Variants in THOP1 observed in about 807,000 individuals in gnomAD.
THOP1 encodes thimet oligopeptidase 1.
In THOP1, 49 loss-of-function variants were observed where a neutral mutation model predicts 71.8. That is an observed-to-expected ratio of 0.68 (90% CI 0.54 to 0.87). The LOEUF (loss-of-function observed/expected upper bound fraction) is 0.87, where lower values mean the gene tolerates loss of function less well. Among genes scored for constraint, THOP1 ranks in the 40% least tolerant of loss-of-function variants. THOP1 has a pLI of 0.00. For synonymous variants in THOP1, 426 were observed against 421.5 expected, an observed-to-expected ratio of 1.01 and a Z score of -0.13; for missense variants, 843 against 975.6, an observed-to-expected ratio of 0.86 and a Z score of 1.81.
At chr19:2,807,948 G>A in intron 8 of THOP1, 140 bp downstream of exon 8, 1 of 1,067,338 alleles carries the variant, frequency 9.4e-7, no homozygotes, top group Non-Finnish European at 1.3e-6. Context: ...TAGCACCCGT[G>A]GGCACACCAC....
rs1037079976 is a variant in THOP1 at position 2,801,935 on chromosome 19, C to G, written c.589+2144C>G. Among the ~76,000 whole-genome samples, 10 of 152,140 alleles carry G rather than the reference C, an allele frequency of 6.6e-5. No homozygotes were observed. The highest frequency in any genetic ancestry group is 2.0e-4 in the Admixed American group (3 of 15,284). On this transcript the variant is annotated intron_variant, in intron 5 of 12. Coordinates refer to ENST00000307741, the MANE Select transcript of THOP1 (RefSeq NM_003249.5). This position sits in a 1 kb window ranked among gnomAD's most constrained non-coding sequence, Gnocchi z 5.1. ...ACATGACCCAGCTGCCTCTTGAAGG[C>G]CCCAGTACCTAATCCTGCCATCTCC...
At chr19:2,812,687 A>T (rs958184319) in intron 12 of THOP1, among the ~76,000 whole-genome samples, 1 of 152,168 alleles carries the variant, frequency 6.6e-6, no homozygotes. Context: ...GGTGGCTGGC[A>T]CCGGCGCCTC....
chr19:2,811,101 G>C (rs542664070), intron 11 of THOP1, among the ~76,000 whole-genome samples: 1 of 152,240 alleles, frequency 6.6e-6, no homozygotes. Context: ...AGGAATTTCC[G>C]ATCCTAATGA....
At chr19:2,802,998 C>T (rs748626718) in intron 5 of THOP1, among the ~76,000 whole-genome samples, 2 of 151,320 alleles carry the variant, frequency 1.3e-5, no homozygotes, top group Admixed American at 6.6e-5. Flanking sequence ...CACATGGTAC[C>T]GCAGGCTCGG....
At chr19:2,799,829 C>T (rs753966276) in intron 5 of THOP1, 38 bp downstream of exon 5, 5 of 1,574,820 alleles carry the variant, frequency 3.2e-6, no homozygotes, top group Non-Finnish European at 4.4e-6. Flanking sequence ...GGCCATCGGT[C>T]CTGGGACTCA....
Position 2,796,095 on chromosome 19 carries a change from G to T in THOP1, c.393G>T (p.Lys131Asn). 6.2e-7 allele frequency: 1 copy of T among 1,613,774 alleles called. No individual in the cohort carries two copies. The highest frequency in any genetic ancestry group is 8.5e-7 in the Non-Finnish European group (1 of 1,179,870). The change falls in exon 4 of 13, where the codon AAG becomes AAT. Residue 131 changes from lysine (K) to asparagine (N), a missense_variant. Physicochemically the swap from Lys to Asn is moderately conservative, Grantham distance 94. Coordinates refer to ENST00000307741, the MANE Select transcript of THOP1 (RefSeq NM_003249.5). ...RIVWLQEKVQ[K>N]DSLRPEAARY... ...TTTTATTCCAGGAGAAAGTTCAGAA[G>T]GACTCACTGAGGCCCGAGGCTGCGC...
At chr19:2,793,330 C>T (rs1915928745) in intron 2 of THOP1, among the ~76,000 whole-genome samples, 1 of 152,076 alleles carries the variant, frequency 6.6e-6, no homozygotes, top group Admixed American at 6.5e-5. Flanking sequence ...CTCCCCTGTC[C>T]CCAGCCCTGG....
At position 2,810,313 on chromosome 19, in the gene THOP1, G is replaced by T; in HGVS notation, c.1465G>T (p.Ala489Ser). Residue 489 changes from alanine to serine, a missense_variant, in exon 10 of 13, where the codon GCC (alanine) becomes TCC (serine). Transcript: ENST00000307741. ...MHQLCSQAEF[A>S]MFSGTHVERD... ...TGCCCCATCCCTGCAGGCGGAGTTC[G>T]CCATGTTCAGCGGGACCCACGTGGA... 6.2e-7 allele frequency: 1 copy of T among 1,610,970 alleles called. No individual in the cohort carries two copies. The highest frequency in any genetic ancestry group is 1.7e-5 in the Admixed American group (1 of 59,984).
intron 1 of THOP1, among the ~76,000 whole-genome samples, chr19:2,788,059 A>AC (rs780663555): frequency 6.6e-6 from 1 of 152,208 alleles, no homozygotes; most frequent in Admixed American, 6.5e-5. Flanking sequence ...CCCGGCCCCA[A>AC]GACTTTTTGG....
chr19:2,803,061 G>A, intron 5 of THOP1, among the ~76,000 whole-genome samples: 1 of 152,200 alleles, frequency 6.6e-6, no homozygotes, highest in Non-Finnish European at 1.5e-5. Context: ...CTCGGCCTCT[G>A]AGCCCACTCT....
intron 2 of THOP1, 47 bp from the exon 3 acceptor site, chr19:2,794,717 A>C: frequency 6.3e-7 from 1 of 1,583,094 alleles, no homozygotes; most frequent in African/African-American, 1.3e-5. Flanking sequence ...TGCCAGTTGT[A>C]CTGGGGCCTG....
At chr19:2,812,106 T>A (rs1281239333) in intron 12 of THOP1, 16 of 1,379,198 alleles carry the variant, frequency 1.2e-5, no homozygotes, top group Non-Finnish European at 1.5e-5. Context: ...CCTTCCGGGA[T>A]CTGCGTGATC....
chr19:2,808,550 C>T (rs959856221), intron 9 of THOP1, 106 bp downstream of exon 9: 84 of 1,263,318 alleles, frequency 6.6e-5, no homozygotes, highest in South Asian at 5.1e-4. Context: ...TCTCTGCACC[C>T]GTCCGGTGGC....
chr19:2,790,385 C>A, intron 1 of THOP1, 36 bp from the exon 2 acceptor site: 1 of 1,490,546 alleles, frequency 6.7e-7, no homozygotes, highest in Non-Finnish European at 8.9e-7. Flanking sequence ...GAACCGAAAG[C>A]AGACCCGCCC....
rs1295769970 is a variant in THOP1 at position 2,785,826 on chromosome 19, G to C, written c.16+148G>C. On this transcript the variant is annotated intron_variant, in intron 1 of 12. Transcript: ENST00000307741. ...GGCAGCGGGGGAGGTGGACGACCCT[G>C]CTCTCTCGTTTGCCGAATGAATGAA... The C allele has an allele frequency of 1.8e-5, 12 of 667,064 alleles. No homozygotes were observed. In the East Asian group the frequency reaches 4.1e-4, roughly 23 times the overall value. The allele number at this position is 667,064 out of a possible 1,614,324, so 41.3% of individuals were successfully genotyped here. A position where few individuals can be genotyped will look rare whatever the true frequency, so the allele number is the denominator to read the frequency against.
At chr19:2,794,947 C>G in intron 3 of THOP1, 35 bp downstream of exon 3, 1 of 1,588,602 alleles carries the variant, frequency 6.3e-7, no homozygotes, top group Non-Finnish European at 8.6e-7. Context: ...AAATAGCCTC[C>G]CAAGTAACTA....
intron 2 of THOP1, among the ~76,000 whole-genome samples, chr19:2,794,379 G>A (rs747264636): frequency 1.3e-5 from 2 of 152,188 alleles, no homozygotes; most frequent in Non-Finnish European, 2.9e-5. Context: ...ATGTGCTCAG[G>A]AAATTGTAAG....
chr19:2,807,638 C>T lies in THOP1; in HGVS notation c.1083C>T (p.Pro361=), dbSNP rs200598292. ...VDQNLLKEYF[P]VQVVTHGLLG... ...AGAACCTGCTCAAGGAGTACTTCCCCGTGCAGGTGGTCACGCACGGGCTGC... is the reference window on the plus strand; with the variant it reads ...AGAACCTGCTCAAGGAGTACTTCCCTGTGCAGGTGGTCACGCACGGGCTGC... Residue 361 remains proline (P), a synonymous_variant, in exon 8 of 13, where the codon CCC becomes CCT. Coordinates refer to ENST00000307741, the MANE Select transcript of THOP1 (RefSeq NM_003249.5). 1.5e-4 allele frequency: 238 copies of T among 1,611,208 alleles called. 1 individual carries two copies. In the South Asian group the frequency reaches 2.1e-3, roughly 14 times the overall value.
Position 2,785,642 on chromosome 19 carries a change from G to A in THOP1, c.-21G>A, listed in dbSNP as rs1325419440. On this transcript the variant is annotated 5_prime_UTR_variant, in exon 1 of 13. Coordinates refer to ENST00000307741, the MANE Select transcript of THOP1 (RefSeq NM_003249.5). ...AGCAGGTGGAAGGAGGGAGGGAGCC[G>A]CAGGCGCAGACCCACCCGCCATGAA... 6.7e-7 allele frequency: 1 copy of A among 1,500,608 alleles called. No homozygotes were observed. The highest frequency in any genetic ancestry group is 8.9e-7 in the Non-Finnish European group (1 of 1,124,686). The allele number at this position is 1,500,608 out of a possible 1,614,324, so 93.0% of individuals were successfully genotyped here. A position where few individuals can be genotyped will look rare whatever the true frequency, so the allele number is the denominator to read the frequency against.
Sources: gnomAD v4.1 joint callset for allele counts (sites outside exome capture counted in the v4.1 genomes callset) on GRCh38, gnomAD v4.1.1 for gene constraint, Gnocchi (gnomAD v3.1) non-coding constraint, MANE v1.5 for transcripts, NCBI Gene and HGNC (gene_info 2026-07-23, HGNC 2026-07-21) for gene names.